Variants in SGK3 observed in about 807,000 individuals in gnomAD.
SGK3 encodes the protein serine/threonine-protein kinase Sgk3.
Under a neutral mutation model 68.5 loss-of-function variants are expected in SGK3, and 47 were observed. That is an observed-to-expected ratio of 0.69 (90% CI 0.54 to 0.87). SGK3 has a LOEUF of 0.87. SGK3 is among the 40% of genes least tolerant of loss of function. The pLI is 0.00. For synonymous variants in SGK3, 181 were observed against 189.1 expected, an observed-to-expected ratio of 0.96 and a Z score of 0.35; for missense variants, 479 against 575.5, an observed-to-expected ratio of 0.83 and a Z score of 1.72.
chr8:66,861,629 AAG>A lies in SGK3; in HGVS notation c.*2050_*2051del. 6.6e-6 allele frequency: 1 copy of A among 152,326 alleles called. No homozygotes were observed. Among genetic ancestry groups the A allele is most frequent in the South Asian group, 2.1e-4 (1 of 4,826 alleles). The allele number at this position is 152,326 out of a possible 1,614,324, so 9.4% of individuals were successfully genotyped here. ...CATCCCTTCCATGTATGTCTTGAGA[AAG>A]AAATCACAGAAGCATTTCTCACCAA... On this transcript the variant is annotated 3_prime_UTR_variant, in exon 17 of 17. Transcript: ENST00000521198.
rs554903324 is a variant in SGK3 at position 66,750,194 on chromosome 8, A to G, written c.-122+37361A>G. ...GGCTATCATGATAGTCAACTTTGCG[A>G]TTAGTGTTTATTGCCAATGCTGTCC... On this transcript the variant is annotated intron_variant, in intron 1 of 16. Transcript: ENST00000521198. Among the ~76,000 whole-genome samples, 4 of 152,200 alleles carry G rather than the reference A, an allele frequency of 2.6e-5. No homozygotes were observed. In the East Asian group the frequency reaches 7.7e-4, roughly 29 times the overall value.
intron 6 of SGK3, among the ~76,000 whole-genome samples, chr8:66,826,412 T>C (rs115418250): frequency 0.031 from 4,720 of 150,418 alleles, 258 homozygotes; most frequent in African/African-American, 0.11. Flanking sequence ...AAATATTTTT[T>C]TCTTCCGTTT....
chr8:66,728,347 A>G (rs1345467263), intron 1 of SGK3, among the ~76,000 whole-genome samples: 1 of 147,462 alleles, frequency 6.8e-6, no homozygotes, highest in Non-Finnish European at 1.5e-5. Context: ...TTTTTCCAAG[A>G]TGGAGTTTCA....
chr8:66,808,254 A>G (rs1808243278), intron 4 of SGK3, among the ~76,000 whole-genome samples: 2 of 152,230 alleles, frequency 1.3e-5, no homozygotes, highest in African/African-American at 4.8e-5. Flanking sequence ...GCAGCCTCTA[A>G]CAACTGAAAA....
Position 66,841,507 on chromosome 8 carries a change from A to G in SGK3, c.978+397A>G, listed in dbSNP as rs1809796324. On this transcript the variant is annotated intron_variant, in intron 13 of 16. Coordinates refer to ENST00000521198, the MANE Select transcript of SGK3 (RefSeq NM_001033578.3). ...AAAGTGTTCTTTCTGTGACTATGTT[A>G]ACAACATTGAATCACACACTTTAAA... 5.3e-5 allele frequency among the ~76,000 whole-genome samples: 8 copies of G among 152,348 alleles called. No homozygotes were observed. The South Asian group carries it at 1.7e-3, about 32-fold the overall frequency.
chr8:66,801,735 A>G (rs1807955793), intron 3 of SGK3, among the ~76,000 whole-genome samples: 2 of 152,122 alleles, frequency 1.3e-5, no homozygotes, highest in African/African-American at 4.8e-5. Context: ...TTTGCTTAAA[A>G]TATTTCATAG....
intron 15 of SGK3, 93 bp downstream of exon 15, chr8:66,847,441 T>C (rs1474611352): frequency 7.9e-6 from 12 of 1,528,086 alleles, no homozygotes; most frequent in Non-Finnish European, 1.1e-5. Flanking sequence ...ATGGAATGAA[T>C]ACAATATGCG....
chr8:66,793,066 G>T (rs1260611416), intron 1 of SGK3, among the ~76,000 whole-genome samples: 1 of 152,196 alleles, frequency 6.6e-6, no homozygotes, highest in East Asian at 1.9e-4. Flanking sequence ...ATCTACTGTA[G>T]TGTCTCTGAC....
chr8:66,839,317 G>A (rs1015959062), intron 10 of SGK3, among the ~76,000 whole-genome samples: 1 of 150,764 alleles, frequency 6.6e-6, no homozygotes, highest in Non-Finnish European at 1.5e-5. Context: ...TCCAACTGCT[G>A]TTTAGCTGCA....
chr8:66,755,718 C>T (rs553722264), intron 1 of SGK3, among the ~76,000 whole-genome samples: 1 of 152,302 alleles, frequency 6.6e-6, no homozygotes, highest in South Asian at 2.1e-4. Flanking sequence ...ACATGACAGA[C>T]GCAGTCCCTG....
At chr8:66,856,477 C>G (rs1008395337) in intron 16 of SGK3, among the ~76,000 whole-genome samples, 1 of 152,180 alleles carries the variant, frequency 6.6e-6, no homozygotes, top group Non-Finnish European at 1.5e-5. Flanking sequence ...TTTGGATTTA[C>G]TTACTGATTG....
At chr8:66,816,763 C>T (rs1808600349) in intron 5 of SGK3, among the ~76,000 whole-genome samples, 1 of 152,204 alleles carries the variant, frequency 6.6e-6, no homozygotes, top group South Asian at 2.1e-4. Context: ...GAAGAGAAGC[C>T]AGTCAGCAAG....
chr8:66,743,355 A>G (rs530104225), intron 1 of SGK3, among the ~76,000 whole-genome samples: 5 of 152,282 alleles, frequency 3.3e-5, no homozygotes, highest in Non-Finnish European at 7.4e-5. Flanking sequence ...GTCTTGGTCA[A>G]ATAATTTGAA....
intron 8 of SGK3, among the ~76,000 whole-genome samples, chr8:66,831,808 T>C (rs1447161237): frequency 6.6e-6 from 1 of 152,182 alleles, no homozygotes; most frequent in African/African-American, 2.4e-5. Flanking sequence ...AATTCTATAA[T>C]AAAGTTCACT....
chr8:66,796,650 C>T (rs1282649191), intron 2 of SGK3, among the ~76,000 whole-genome samples: 1 of 152,002 alleles, frequency 6.6e-6, no homozygotes, highest in Non-Finnish European at 1.5e-5. Flanking sequence ...TAGTTCTATA[C>T]CATGAAGCTT....
At chr8:66,834,473 T>C (rs1039884732) in intron 8 of SGK3, among the ~76,000 whole-genome samples, 2 of 151,940 alleles carry the variant, frequency 1.3e-5, no homozygotes, top group Non-Finnish European at 2.9e-5. Context: ...GGGTTTTGTT[T>C]TGTTTTGTTT....
intron 8 of SGK3, among the ~76,000 whole-genome samples, chr8:66,834,904 C>A (rs958458381): frequency 1.4e-5 from 2 of 148,118 alleles, no homozygotes; most frequent in Admixed American, 1.4e-4. Flanking sequence ...CGCGCCACTG[C>A]ACTCCAGCCT....
chr8:66,764,630 G>T (rs569817432), intron 1 of SGK3, among the ~76,000 whole-genome samples: 1 of 152,004 alleles, frequency 6.6e-6, no homozygotes, highest in South Asian at 2.1e-4. Context: ...CACTACGCCT[G>T]GCTAATTTTT....
At chr8:66,793,386 G>A (rs1391191788) in intron 1 of SGK3, among the ~76,000 whole-genome samples, 2 of 152,148 alleles carry the variant, frequency 1.3e-5, no homozygotes, top group Non-Finnish European at 2.9e-5. Context: ...GTGAACTGAG[G>A]TGTGTAAGTT....
Sources: allele counts gnomAD v4.1 joint callset (sites outside exome capture counted in the v4.1 genomes callset), GRCh38; gene constraint gnomAD v4.1.1; transcripts MANE v1.5; gene names NCBI Gene and HGNC (gene_info 2026-07-23, HGNC 2026-07-21).